Variants in UBR2 observed in about 807,000 individuals in gnomAD.
The protein encoded by UBR2 is E3 ubiquitin-protein ligase UBR2.
In UBR2, 92 loss-of-function variants were observed where a neutral mutation model predicts 247.9. The ratio of observed to expected loss-of-function variants is 0.37; its 90% CI spans 0.31 to 0.44. The LOEUF (loss-of-function observed/expected upper bound fraction) is 0.44. Ranked by LOEUF, UBR2 falls within the 20% of genes least tolerant of loss-of-function variation. The pLI is 1.00. For synonymous variants in UBR2, 672 were observed against 693.5 expected (o/e 0.97, Z 0.49); for missense variants, 1,613 against 2,112.6 (o/e 0.76, Z 4.64).
At position 42,574,102 on chromosome 6, in the gene UBR2, T is replaced by TA; in HGVS notation, c.338+114dup. The TA allele has an allele frequency of 4.7e-6, 5 of 1,066,166 alleles. No individual in the cohort carries two copies. The South Asian group carries it at 8.0e-5, about 17-fold the overall frequency. The allele number at this position is 1,066,166 out of a possible 1,614,324, so 66.0% of individuals were successfully genotyped here. ...AAAATTATGAAATACCATATCTGCT[T>TA]AAAAATCTGTATTACAAATACATGC... On this transcript the variant is annotated intron_variant, in intron 2 of 46. Transcript: ENST00000372901.
At chr6:42,592,128 AT>A (rs3834849) in intron 2 of UBR2, 22 bp from the exon 3 acceptor site, 76,845 of 923,128 alleles carry the variant, frequency 0.083, no homozygotes, top group South Asian at 0.11. Context: ...TGACACTTTG[AT>A]TTTTTTTTTT....
chr6:42,566,536 C>T (rs1023390348), intron 1 of UBR2, among the ~76,000 whole-genome samples: 7 of 152,066 alleles, frequency 4.6e-5, no homozygotes, highest in South Asian at 2.1e-4. Context: ...TACAGGCGTA[C>T]GCCACCACGC....
chr6:42,625,900 G>A (rs533321084), intron 11 of UBR2, among the ~76,000 whole-genome samples: 44 of 147,486 alleles, frequency 3.0e-4, no homozygotes, highest in African/African-American at 9.0e-4. Context: ...TGCATGCTCC[G>A]CCTCCCGGGT....
intron 21 of UBR2, among the ~76,000 whole-genome samples, chr6:42,646,820 TAGAGAG>T (rs765967046): frequency 3.5e-3 from 512 of 146,606 alleles, no homozygotes; most frequent in Middle Eastern, 0.011. Context: ...TATATATATA[TAGAGAG>T]AGAGAGAGAG....
chr6:42,653,131 C>G (rs926993698), intron 25 of UBR2, among the ~76,000 whole-genome samples: 1 of 152,176 alleles, frequency 6.6e-6, no homozygotes, highest in African/African-American at 2.4e-5. Context: ...ACCCAGGAAG[C>G]TGGAGTGCAG....
chr6:42,567,241 G>T (rs1790833346), intron 1 of UBR2, among the ~76,000 whole-genome samples: 1 of 152,096 alleles, frequency 6.6e-6, no homozygotes, highest in Non-Finnish European at 1.5e-5. Flanking sequence ...CAGCTAGTAT[G>T]CCTCACAAAG....
At chr6:42,676,919 G>GCA in intron 40 of UBR2, 46 bp downstream of exon 40, 2 of 1,398,804 alleles carry the variant, frequency 1.4e-6, no homozygotes, top group Non-Finnish European at 2.0e-6. Context: ...AATATTGCTA[G>GCA]ATGATGATAG....
At position 42,689,493 on chromosome 6, in the gene UBR2, T is replaced by C. The variant is rs148659030; in HGVS notation, c.5025-76T>C. The C allele has an allele frequency of 2.3e-4, 320 of 1,374,808 alleles. 3 individuals carry two copies. In the East Asian group the frequency reaches 6.0e-3, roughly 26 times the overall value. 85.2% of individuals were successfully genotyped at this position (1,374,808 alleles called of 1,614,324 possible). ...GTTTAAATATCAGTACTATAAGACT[T>C]CATTCTATTTGGAACTGAATACAAA... On this transcript the variant is annotated intron_variant, in intron 45 of 46. Coordinates refer to ENST00000372901, the MANE Select transcript of UBR2 (RefSeq NM_001363705.2). This position sits in a 1 kb window ranked among gnomAD's most constrained non-coding sequence, Gnocchi z 4.0.
intron 8 of UBR2, among the ~76,000 whole-genome samples, chr6:42,614,375 T>TATATATGTATGTACGTACATACGTAC (rs70990112): frequency 4.3e-5 from 3 of 69,750 alleles, no homozygotes; most frequent in Non-Finnish European, 6.0e-5. Context: ...TGTGTATGTG[T>TATATATGTATGTACGTACATACGTAC]GTATATATGT....
intron 38 of UBR2, among the ~76,000 whole-genome samples, chr6:42,675,261 C>T (rs1237382149): frequency 6.6e-6 from 1 of 152,192 alleles, no homozygotes; most frequent in Non-Finnish European, 1.5e-5. Flanking sequence ...TGTGTACCTG[C>T]CAGCTTTTAC....
Position 42,676,171 on chromosome 6 carries a change from TCTTA to T in UBR2, c.4373_4376del (p.Leu1458ProfsTer37). 6.2e-7 allele frequency: 1 copy of T among 1,610,538 alleles called. No individual in the cohort carries two copies. The highest frequency in any genetic ancestry group is 8.5e-7 in the Non-Finnish European group (1 of 1,179,280). On this transcript the variant is annotated frameshift_variant, in exon 39 of 47. Transcript: ENST00000372901. LOFTEE classifies it high-confidence loss of function. Reference sequence around the variant, plus strand: ...GTTACTATGGCACACATCATACAGATCTTACTTACCTCATGTACAGGTAACTCTT... The same window carrying T: ...GTTACTATGGCACACATCATACAGATCTTACCTCATGTACAGGTAACTCTT...
At chr6:42,633,984 G>A (rs1285874293) in intron 13 of UBR2, among the ~76,000 whole-genome samples, 1 of 151,784 alleles carries the variant, frequency 6.6e-6, no homozygotes, top group Non-Finnish European at 1.5e-5. Flanking sequence ...GCCCACCTCG[G>A]CCTCCCAATG....
chr6:42,667,068 C>T (rs187384897), intron 34 of UBR2, among the ~76,000 whole-genome samples: 47 of 152,084 alleles, frequency 3.1e-4, no homozygotes, highest in African/African-American at 1.1e-3. Flanking sequence ...TAGAAAAAAA[C>T]ATCATGCCTA....
chr6:42,566,157 C>G (rs1049200797), intron 1 of UBR2, among the ~76,000 whole-genome samples: 2 of 151,948 alleles, frequency 1.3e-5, no homozygotes, highest in African/African-American at 4.8e-5. Context: ...TTATCCCATT[C>G]TAAAAGTGCA....
chr6:42,685,563 C>G (rs956643876), intron 44 of UBR2, among the ~76,000 whole-genome samples: 3 of 151,256 alleles, frequency 2.0e-5, no homozygotes, highest in African/African-American at 7.3e-5. Context: ...CTCCCAGATG[C>G]TAGTGATTCT....
intron 2 of UBR2, among the ~76,000 whole-genome samples, chr6:42,578,972 A>AACACAC (rs35575176): frequency 2.0e-5 from 3 of 148,936 alleles, no homozygotes; most frequent in South Asian, 2.1e-4. Flanking sequence ...CACACACACA[A>AACACAC]ACACACACAC....
At chr6:42,649,401 G>T (rs558580407) in intron 22 of UBR2, among the ~76,000 whole-genome samples, 2 of 152,118 alleles carry the variant, frequency 1.3e-5, no homozygotes, top group East Asian at 3.9e-4. Flanking sequence ...AACAAATATT[G>T]AAAATCCTTG....
At position 42,691,506 on chromosome 6, in the gene UBR2, TG is replaced by T. The variant is rs569600389; in HGVS notation, c.*336del. The T allele has an allele frequency of 5.0e-4, 154 of 305,262 alleles. 3 individuals carry two copies. The highest frequency in any genetic ancestry group is 4.6e-3 in the South Asian group (151 of 32,626). The allele number at this position is 305,262 out of a possible 1,614,324, so 18.9% of individuals were successfully genotyped here. On this transcript the variant is annotated 3_prime_UTR_variant, in exon 47 of 47. Transcript: ENST00000372901. ...TCACGTTATTGATGATAGTGAACCG[TG>T]GGTCCGAAGCTGACTCAACGGAGGC...
intron 29 of UBR2, 114 bp downstream of exon 29, chr6:42,658,938 T>C: frequency 8.3e-7 from 1 of 1,200,364 alleles, no homozygotes. Context: ...TTAGTAGAAT[T>C]CATAGGTAAA....
Sources: gnomAD v4.1 joint callset for allele counts (sites outside exome capture counted in the v4.1 genomes callset) on GRCh38, gnomAD v4.1.1 for gene constraint, Gnocchi (gnomAD v3.1) non-coding constraint, MANE v1.5 for transcripts, NCBI Gene and HGNC (gene_info 2026-07-23, HGNC 2026-07-21) for gene names.